EYS: variants seen among roughly 807,000 people sequenced by gnomAD.
The protein encoded by EYS is EGF-like photoreceptor maintenance factor, also known as protein eyes shut homolog.
In EYS, 250 loss-of-function variants were observed where a neutral mutation model predicts 282.1. That is an observed-to-expected ratio of 0.89 (90% confidence interval 0.80 to 0.98). The LOEUF is 0.98. EYS is among the 50% of genes least tolerant of loss of function. The probability of loss-of-function intolerance (pLI) is 0.00; values close to 1 mark genes in which losing one functional copy is unlikely to be tolerated. For missense variants in EYS, 4,016 were observed against 3,709.0 expected, an observed-to-expected ratio of 1.08 and a Z score of -2.15; for synonymous variants, 1,355 against 1,282.9, an observed-to-expected ratio of 1.06 and a Z score of -1.20.
At chr6:64,266,929 A>T (rs1179153888) in intron 30 of EYS, among the ~76,000 whole-genome samples, 2 of 152,186 alleles carry the variant, frequency 1.3e-5, no homozygotes, top group Non-Finnish European at 2.9e-5. Flanking sequence ...TCATAAAAAT[A>T]CCTGATGTTT....
chr6:65,661,168 T>C (rs1767989850), intron 1 of EYS, among the ~76,000 whole-genome samples: 3 of 151,934 alleles, frequency 2.0e-5, no homozygotes, highest in Admixed American at 1.3e-4. Flanking sequence ...GTTTAGATCC[T>C]TTCTGAGACC....
rs75990145 is a variant in EYS, at chr6:65,505,194, T to G, written c.-332-9201A>C. Among the ~76,000 whole-genome samples the G allele has an allele frequency of 9.3e-3, 1,407 of 151,960 alleles. 23 individuals are homozygous for G. Among genetic ancestry groups the G allele is most frequent in the African/African-American group, 0.031 (1,308 of 41,526 alleles). ...CATTTTCAAATATTGAGACAGAAAATTGTTTTTAGTATCCTTTTATATATC... is the reference window on the plus strand; with the variant it reads ...CATTTTCAAATATTGAGACAGAAAAGTGTTTTTAGTATCCTTTTATATATC... On this transcript the variant is annotated intron_variant, in intron 2 of 42. Transcript: ENST00000503581.
intron 35 of EYS, among the ~76,000 whole-genome samples, chr6:63,952,002 C>A (rs763309684): frequency 3.9e-5 from 6 of 152,182 alleles, no homozygotes; most frequent in Non-Finnish European, 5.9e-5. Flanking sequence ...TCAAACCCCA[C>A]AAAAGTACTC....
chr6:64,224,948 T>C (rs919199310), intron 31 of EYS, among the ~76,000 whole-genome samples: 6 of 152,124 alleles, frequency 3.9e-5, no homozygotes, highest in Non-Finnish European at 7.4e-5. Flanking sequence ...CTTGTTCCTC[T>C]CCTTCTCTTG....
At chr6:65,030,706 T>C (rs370349446) in intron 13 of EYS, among the ~76,000 whole-genome samples, 1 of 152,202 alleles carries the variant, frequency 6.6e-6, no homozygotes, top group Admixed American at 6.5e-5. Context: ...AAAAAGGCCA[T>C]GGACCTGTTA....
At chr6:65,159,018 T>A (rs953208962) in intron 12 of EYS, among the ~76,000 whole-genome samples, 1 of 150,854 alleles carries the variant, frequency 6.6e-6, no homozygotes, top group East Asian at 2.0e-4. Context: ...GTATTTTTAA[T>A]AGTGAGAACA....
chr6:64,152,389 G>T (rs372385132), intron 31 of EYS, among the ~76,000 whole-genome samples: 3 of 152,152 alleles, frequency 2.0e-5, no homozygotes, highest in Admixed American at 1.3e-4. Flanking sequence ...TCACATAGAA[G>T]AAATATTAGA....
chr6:65,644,576 T>C (rs1767389128), intron 1 of EYS, among the ~76,000 whole-genome samples: 1 of 152,174 alleles, frequency 6.6e-6, no homozygotes, highest in Non-Finnish European at 1.5e-5. Context: ...ACCTGGGAAA[T>C]TCATCGCAAA....
chr6:65,002,673 T>A (rs9354200), intron 13 of EYS, among the ~76,000 whole-genome samples: 1 of 147,488 alleles, frequency 6.8e-6, no homozygotes, highest in Admixed American at 6.8e-5. Context: ...GTTTTATATG[T>A]AATTTTAACT....
chr6:65,377,990 G>C (rs570266590), intron 8 of EYS, among the ~76,000 whole-genome samples: 62 of 151,944 alleles, frequency 4.1e-4, no homozygotes, highest in Non-Finnish European at 7.4e-4. Flanking sequence ...TAGGAGCTGG[G>C]ACCATTCCTT....
At chr6:65,233,163 A>C (rs1325005903) in intron 12 of EYS, among the ~76,000 whole-genome samples, 1 of 152,096 alleles carries the variant, frequency 6.6e-6, no homozygotes, top group African/African-American at 2.4e-5. Flanking sequence ...TAAATTTACC[A>C]TGTAGGCCCC....
chr6:65,070,087 T>TGTATAATAAATCC (rs1346689055), intron 12 of EYS, among the ~76,000 whole-genome samples: 7 of 151,898 alleles, frequency 4.6e-5, no homozygotes, highest in Non-Finnish European at 8.8e-5. Context: ...TCCTAAATAC[T>TGTATAATAAATCC]GTATAATAAA....
At chr6:64,458,051 AAAG>A (rs887094007) in intron 26 of EYS, among the ~76,000 whole-genome samples, 122 of 152,172 alleles carry the variant, frequency 8.0e-4, no homozygotes, top group African/African-American at 2.8e-3. Context: ...TGATCAGAAA[AAAG>A]AAATCTCTAC....
chr6:64,981,110 C>T (rs1259861704), intron 14 of EYS, among the ~76,000 whole-genome samples: 1 of 151,086 alleles, frequency 6.6e-6, no homozygotes. Flanking sequence ...CAATTCATTC[C>T]TATATCACAT....
At chr6:63,881,919 C>G (rs536982512) in intron 35 of EYS, among the ~76,000 whole-genome samples, 1 of 152,110 alleles carries the variant, frequency 6.6e-6, no homozygotes, top group Non-Finnish European at 1.5e-5. Flanking sequence ...TATTGTTATC[C>G]TTGAGACTTA....
At chr6:64,723,838 T>C (rs895396962) in intron 22 of EYS, among the ~76,000 whole-genome samples, 6 of 152,152 alleles carry the variant, frequency 3.9e-5, no homozygotes, top group Admixed American at 1.3e-4. Context: ...TAACTCTATG[T>C]TCCTAGTGAG....
intron 1 of EYS, among the ~76,000 whole-genome samples, chr6:65,671,259 A>C (rs1359965491): frequency 6.6e-6 from 1 of 152,052 alleles, no homozygotes; most frequent in Non-Finnish European, 1.5e-5. Context: ...CAAATTTGTA[A>C]ATGTTTCTAT....
At chr6:65,398,024 TTA>T (rs777073706) in intron 7 of EYS, among the ~76,000 whole-genome samples, 7 of 152,120 alleles carry the variant, frequency 4.6e-5, no homozygotes, top group Non-Finnish European at 7.4e-5. Context: ...TGAGCATTTT[TTA>T]TATGTTTTTT....
chr6:65,054,517 T>A (rs1173948381), intron 13 of EYS, among the ~76,000 whole-genome samples: 2 of 152,012 alleles, frequency 1.3e-5, no homozygotes, highest in Admixed American at 6.6e-5. Flanking sequence ...TAATTAAGCC[T>A]GTGCCTAGTA....
Sources: gnomAD v4.1 joint callset for allele counts (sites outside exome capture counted in the v4.1 genomes callset) on GRCh38, gnomAD v4.1.1 for gene constraint, MANE v1.5 for transcripts, NCBI Gene and HGNC (gene_info 2026-07-23, HGNC 2026-07-21) for gene names.